ARNT2: variants seen among roughly 807,000 people sequenced by gnomAD.
ARNT2 encodes the protein ARNT protein 2.
A neutral mutation model predicts 91.7 loss-of-function variants in ARNT2; 36 were observed. The ratio of observed to expected loss-of-function variants is 0.39; its 90% CI spans 0.30 to 0.52. ARNT2 has a LOEUF of 0.52. Among genes scored for constraint, ARNT2 ranks in the 20% least tolerant of loss-of-function variants. The pLI is 0.72. For synonymous variants in ARNT2, 365 were observed against 347.1 expected, an observed-to-expected ratio of 1.05 and a Z score of -0.57; for missense variants, 775 against 939.3, an observed-to-expected ratio of 0.83 and a Z score of 2.29.
intron 15 of ARNT2, 115 bp from the exon 16 acceptor site, chr15:80,580,296 T>A (rs1042801219): frequency 7.6e-7 from 1 of 1,321,366 alleles, no homozygotes; most frequent in Non-Finnish European, 1.1e-6. Flanking sequence ...AGTGACGTGC[T>A]GCATGGAGAG....
intron 5 of ARNT2, among the ~76,000 whole-genome samples, chr15:80,497,444 C>T (rs1234048036): frequency 1.3e-5 from 2 of 152,226 alleles, no homozygotes; most frequent in Non-Finnish European, 2.9e-5. Flanking sequence ...GGGCACCTGA[C>T]CTGACAACTG....
rs28447041 is a variant in ARNT2, at chr15:80,503,652, C to T, written c.623-4504C>T. Among the ~76,000 whole-genome samples, 1,313 of 152,326 alleles carry T rather than the reference C, an allele frequency of 8.6e-3. 22 individuals are homozygous for T. Among genetic ancestry groups the T allele is most frequent in the African/African-American group, 0.029 (1,216 of 41,568 alleles). On this transcript the variant is annotated intron_variant, in intron 5 of 18. Transcript: ENST00000303329. Reference sequence around the variant, plus strand: ...TAAAGCAAGTGACAATTTACACTAACATGGCCGTAAAAAGATGCCGTCTGT... The same window carrying T: ...TAAAGCAAGTGACAATTTACACTAATATGGCCGTAAAAAGATGCCGTCTGT...
chr15:80,476,421 C>G (rs565937144), intron 5 of ARNT2, among the ~76,000 whole-genome samples: 4 of 152,264 alleles, frequency 2.6e-5, no homozygotes, highest in African/African-American at 9.6e-5. Context: ...TCAGATTGTT[C>G]CTTAATATGT....
intron 11 of ARNT2, among the ~76,000 whole-genome samples, chr15:80,557,742 A>T (rs1567000618): frequency 6.6e-6 from 1 of 151,926 alleles, no homozygotes; most frequent in Non-Finnish European, 1.5e-5. Flanking sequence ...CACTCCACAC[A>T]TTCAGCCCCT....
chr15:80,545,122 C>T (rs145742546), intron 8 of ARNT2, among the ~76,000 whole-genome samples: 2 of 152,348 alleles, frequency 1.3e-5, no homozygotes, highest in East Asian at 3.9e-4. Flanking sequence ...CTTCCTTCAT[C>T]TCAGACCTTG....
chr15:80,521,804 C>A (rs1238960877), intron 8 of ARNT2, among the ~76,000 whole-genome samples: 3 of 152,092 alleles, frequency 2.0e-5, no homozygotes, highest in Non-Finnish European at 4.4e-5. Flanking sequence ...TATATCATTG[C>A]CTCCGCTGGG....
intron 8 of ARNT2, among the ~76,000 whole-genome samples, chr15:80,529,201 G>A (rs990892010): frequency 4.6e-5 from 7 of 152,168 alleles, no homozygotes; most frequent in African/African-American, 1.7e-4. Flanking sequence ...CCCTCCACCT[G>A]TTCTTGCCAT....
chr15:80,562,861 C>T (rs1898392162), intron 11 of ARNT2: 1 of 623,802 alleles, frequency 1.6e-6, no homozygotes. Context: ...CTTTCTCATA[C>T]CGTGGTTACA....
At chr15:80,456,787 G>A (rs1896487877) in intron 2 of ARNT2, among the ~76,000 whole-genome samples, 1 of 152,190 alleles carries the variant, frequency 6.6e-6, no homozygotes, top group East Asian at 1.9e-4. Flanking sequence ...TGGGAGGCCA[G>A]CAGCTCTAGA....
intron 2 of ARNT2, 122 bp downstream of exon 2, chr15:80,451,116 T>C: frequency 1.0e-6 from 1 of 996,734 alleles, no homozygotes; most frequent in Non-Finnish European, 1.5e-6. Context: ...TTGCATCCTG[T>C]TTAACTTTTA....
At chr15:80,542,836 C>T (rs1205001120) in intron 8 of ARNT2, among the ~76,000 whole-genome samples, 14 of 152,118 alleles carry the variant, frequency 9.2e-5, no homozygotes, top group Admixed American at 7.2e-4. Flanking sequence ...GCTGTTTTCT[C>T]TGCTTCCTGC....
chr15:80,419,377 C>T (rs138539790), intron 1 of ARNT2, among the ~76,000 whole-genome samples: 251 of 152,362 alleles, frequency 1.6e-3, no homozygotes, highest in African/African-American at 5.8e-3. Context: ...TGGGCTCAAT[C>T]GCCCATTTCA....
intron 1 of ARNT2, among the ~76,000 whole-genome samples, chr15:80,420,356 C>A (rs935296702): frequency 3.3e-5 from 5 of 152,076 alleles, no homozygotes; most frequent in African/African-American, 9.7e-5. Context: ...AGATGCCAGG[C>A]CAGATCATGT....
chr15:80,504,303 T>G (rs1246268658), intron 5 of ARNT2, among the ~76,000 whole-genome samples: 1 of 152,246 alleles, frequency 6.6e-6, no homozygotes, highest in East Asian at 1.9e-4. Flanking sequence ...CTCATCGACT[T>G]TAGTCTGTTC....
intron 5 of ARNT2, among the ~76,000 whole-genome samples, chr15:80,507,942 G>A (rs1051769391): frequency 2.6e-5 from 4 of 152,156 alleles, no homozygotes; most frequent in Non-Finnish European, 5.9e-5. Flanking sequence ...AGTGTAGACG[G>A]CTCTGAAGAA....
At chr15:80,436,469 C>T (rs1314001187) in intron 1 of ARNT2, 1 of 154,412 alleles carries the variant, frequency 6.5e-6, no homozygotes, top group Admixed American at 6.5e-5. Flanking sequence ...GTGTCCCCAT[C>T]GTGGTGCCAC....
chr15:80,561,442 T>C (rs1234117948), intron 11 of ARNT2, among the ~76,000 whole-genome samples: 1 of 152,150 alleles, frequency 6.6e-6, no homozygotes, highest in Non-Finnish European at 1.5e-5. Context: ...GCCTTGACCA[T>C]GAGAACCACA....
intron 5 of ARNT2, 44 bp from the exon 6 acceptor site, chr15:80,508,112 A>G (rs756772897): frequency 5.6e-6 from 9 of 1,599,424 alleles, no homozygotes; most frequent in African/African-American, 1.3e-5. Flanking sequence ...CCATCTCCCA[A>G]CCGAAGGCAG....
At chr15:80,480,347 C>A (rs141626354) in intron 5 of ARNT2, among the ~76,000 whole-genome samples, 1 of 152,022 alleles carries the variant, frequency 6.6e-6, no homozygotes, top group African/African-American at 2.4e-5. Context: ...CAGCAGGGGC[C>A]GCCCAAGGGA....
Sources: gnomAD v4.1 joint callset for allele counts (sites outside exome capture counted in the v4.1 genomes callset) on GRCh38, gnomAD v4.1.1 for gene constraint, MANE v1.5 for transcripts, NCBI Gene and HGNC (gene_info 2026-07-23, HGNC 2026-07-21) for gene names.